HOXC13: variants seen among roughly 807,000 people sequenced by gnomAD.
The protein encoded by HOXC13 is homeobox protein Hox-C13.
HOXC13 carries 10 observed loss-of-function variants against 25.9 expected under a neutral mutation model. That is an observed-to-expected ratio of 0.39 (90% CI 0.24 to 0.65). The LOEUF (loss-of-function observed/expected upper bound fraction) is 0.65. HOXC13 is among the 30% of genes least tolerant of loss of function. The probability of loss-of-function intolerance (pLI) is 0.50; values close to 1 mark genes in which losing one functional copy is unlikely to be tolerated. For synonymous variants in HOXC13, 233 were observed against 217.1 expected (o/e 1.07, Z -0.64); for missense variants, 439 against 478.3 (o/e 0.92, Z 0.77).
chr12:53,943,510 G>A (rs1938644366), intron 1 of HOXC13, among the ~76,000 whole-genome samples: 1 of 152,106 alleles, frequency 6.6e-6, no homozygotes, highest in Non-Finnish European at 1.5e-5. Context: ...TCTCACAGAG[G>A]CAGAGAAAAA....
rs925525032 is a variant in HOXC13 at position 53,945,457 on chromosome 12, C to T, written c.*201C>T. The T allele has an allele frequency of 6.4e-5, 40 of 627,934 alleles. No individual in the cohort carries two copies. The highest frequency in any genetic ancestry group is 9.9e-5 in the Non-Finnish European group (36 of 364,058). The allele number at this position is 627,934 out of a possible 1,614,324, so 38.9% of individuals were successfully genotyped here. ...CTATCCCATCCCCAGCCTCCACCCC[C>T]ATCCAGATGGGACTCACGTGGCTTC... On this transcript the variant is annotated 3_prime_UTR_variant, in exon 2 of 2. Coordinates refer to ENST00000243056, the MANE Select transcript of HOXC13 (RefSeq NM_017410.3). The surrounding 1 kb of genome is among the most constrained non-coding windows in gnomAD (Gnocchi z 4.4).
Position 53,945,377 on chromosome 12 carries a change from G to T in HOXC13, c.*121G>T, listed in dbSNP as rs1016137081. On this transcript the variant is annotated 3_prime_UTR_variant, in exon 2 of 2. Coordinates refer to ENST00000243056, the MANE Select transcript of HOXC13 (RefSeq NM_017410.3). The surrounding 1 kb of genome is among the most constrained non-coding windows in gnomAD (Gnocchi z 4.4). ...AATGTTAAGGAAAGAGAAGAACCGC[G>T]CCGCCCGGAGGCAGAGAGGCTCCAT... 17 of 1,224,344 alleles carry T rather than the reference G, an allele frequency of 1.4e-5. No homozygotes were observed. Among genetic ancestry groups the T allele is most frequent in the Non-Finnish European group, 1.9e-5 (17 of 876,242 alleles). The allele number at this position is 1,224,344 out of a possible 1,614,324, so 75.8% of individuals were successfully genotyped here.
chr12:53,945,238 T>A lies in HOXC13; in HGVS notation c.975T>A (p.Pro325=). 1 of 1,614,016 alleles carries A rather than the reference T, an allele frequency of 6.2e-7. No homozygotes were observed. Among genetic ancestry groups the A allele is most frequent in the Non-Finnish European group, 8.5e-7 (1 of 1,179,970 alleles). Residue 325 remains proline, a synonymous_variant, in exon 2 of 2, where the codon CCT becomes CCA. Transcript: ENST00000243056. This position sits in a 1 kb window ranked among gnomAD's most constrained non-coding sequence, Gnocchi z 4.4. ...EKKVVSKSKA[P]HLHST The stretch of plus-strand genomic sequence containing the variant: ...AGGTGGTCAGCAAATCGAAAGCGCC[T>A]CATCTCCACTCCACCTGACCACCCA...
At position 53,938,873 on chromosome 12, in the gene HOXC13, G is replaced by A. The variant is rs774632752; in HGVS notation, c.-34G>A. On this transcript the variant is annotated 5_prime_UTR_variant, in exon 1 of 2. It adds an upstream start codon to the 5' untranslated region. Transcript: ENST00000243056. The stretch of plus-strand genomic sequence containing the variant: ...CTCCCTAGCTCGCTGCCTCTGGCAA[G>A]TGGAGTTTTTAAAAAGCTCCAGCAG... The A allele has an allele frequency of 1.1e-5, 16 of 1,522,158 alleles. No individual in the cohort carries two copies. In the South Asian group the frequency reaches 1.8e-4, roughly 17 times the overall value. The allele number at this position is 1,522,158 out of a possible 1,614,324, so 94.3% of individuals were successfully genotyped here.
chr12:53,943,912 C>A (rs1051564893), intron 1 of HOXC13, among the ~76,000 whole-genome samples: 1 of 152,184 alleles, frequency 6.6e-6, no homozygotes, highest in African/African-American at 2.4e-5. Flanking sequence ...TCCCTAGTTC[C>A]CCCACTTCCC....
Position 53,939,320 on chromosome 12 carries a change from G to A in HOXC13, c.414G>A (p.Val138=). 1 of 1,591,840 alleles carries A rather than the reference G, an allele frequency of 6.3e-7. No individual in the cohort carries two copies. The highest frequency in any genetic ancestry group is 8.5e-7 in the Non-Finnish European group (1 of 1,170,380). ...SYYGCRLSHN[V]NLQQKPCAYH... is the part of the protein sequence containing the mutation. ...ACGGCTGCCGCCTGTCGCACAACGT[G>A]AACCTGCAGCAGAAGCCTTGCGCCT... Residue 138 remains valine, a synonymous_variant, in exon 1 of 2, where the codon GTG becomes GTA. Transcript: ENST00000243056. The surrounding 1 kb of genome is among the most constrained non-coding windows in gnomAD (Gnocchi z 6.7).
chr12:53,942,952 TGA>T (rs765451706), intron 1 of HOXC13, among the ~76,000 whole-genome samples: 16 of 152,204 alleles, frequency 1.1e-4, no homozygotes, highest in Non-Finnish European at 2.2e-4. Context: ...TAGGTAATTG[TGA>T]GAGTTTAAAG....
chr12:53,945,242 C>G lies in HOXC13; in HGVS notation c.979C>G (p.Leu327Val). The change falls in exon 2 of 2, where the codon CTC (leucine) becomes GTC (valine). Residue 327 changes from leucine (L) to valine (V), a missense_variant. Coordinates refer to ENST00000243056, the MANE Select transcript of HOXC13 (RefSeq NM_017410.3). The surrounding 1 kb of genome is among the most constrained non-coding windows in gnomAD (Gnocchi z 4.4). ...KVVSKSKAPH[L>V]HST ...GGTCAGCAAATCGAAAGCGCCTCAT[C>G]TCCACTCCACCTGACCACCCACCCG... The G allele has an allele frequency of 6.2e-7, 1 of 1,614,094 alleles. No individual in the cohort carries two copies. The highest frequency in any genetic ancestry group is 8.5e-7 in the Non-Finnish European group (1 of 1,179,976).
At position 53,945,383 on chromosome 12, in the gene HOXC13, C is replaced by T. The variant is rs1230859718; in HGVS notation, c.*127C>T. 2.2e-5 allele frequency: 26 copies of T among 1,176,210 alleles called. No homozygotes were observed. Among genetic ancestry groups the T allele is most frequent in the South Asian group, 2.0e-4 (14 of 68,332 alleles). 72.9% of individuals were successfully genotyped at this position (1,176,210 alleles called of 1,614,324 possible). On this transcript the variant is annotated 3_prime_UTR_variant, in exon 2 of 2. Coordinates refer to ENST00000243056, the MANE Select transcript of HOXC13 (RefSeq NM_017410.3). The surrounding 1 kb of genome is among the most constrained non-coding windows in gnomAD (Gnocchi z 4.4). ...AAGGAAAGAGAAGAACCGCGCCGCC[C>T]GGAGGCAGAGAGGCTCCATGGCCGT...
chr12:53,940,060 G>A (rs1353129710), intron 1 of HOXC13, among the ~76,000 whole-genome samples: 1 of 152,236 alleles, frequency 6.6e-6, no homozygotes, highest in Non-Finnish European at 1.5e-5. Flanking sequence ...GGAGGGCGGA[G>A]AATAAGAACC....
Position 53,939,366 on chromosome 12 carries a change from C to G in HOXC13, c.460C>G (p.Pro154Ala). The change falls in exon 1 of 2, where the codon CCG becomes GCG. Residue 154 changes from proline (P) to alanine (A), a missense_variant. By Grantham distance (27) the Pro-to-Ala change is conservative (BLOSUM62 -1). Transcript: ENST00000243056. The surrounding 1 kb of genome is among the most constrained non-coding windows in gnomAD (Gnocchi z 6.7). ...CGCCTACCACCCGGGCGATAAATAC[C>G]CGGAGCCGTCGGGCGCCCTGCCCGG... ...PCAYHPGDKY[P>A]EPSGALPGDD... 1 of 1,606,446 alleles carries G rather than the reference C, an allele frequency of 6.2e-7. No individual in the cohort carries two copies. The highest frequency in any genetic ancestry group is 8.5e-7 in the Non-Finnish European group (1 of 1,177,770).
Position 53,939,028 on chromosome 12 carries a change from G to A in HOXC13, c.122G>A (p.Gly41Glu), listed in dbSNP as rs1938563306. Residue 41 changes from glycine to glutamate, a missense_variant, in exon 1 of 2, where the codon GGA (glycine) becomes GAA (glutamate). Coordinates refer to ENST00000243056, the MANE Select transcript of HOXC13 (RefSeq NM_017410.3). The surrounding 1 kb of genome is among the most constrained non-coding windows in gnomAD (Gnocchi z 6.7). ...GGGGGGGGTGGAGGGCSGASP... is the reference protein window; with the variant it reads ...GGGGGGGGTGEAGGGCSGASP... Reference sequence around the variant, plus strand: ...GGAGGAGGAGGCGGCGGCACGGGCGGAGCGGGGGGTGGCTGCAGCGGAGCG... The same window carrying A: ...GGAGGAGGAGGCGGCGGCACGGGCGAAGCGGGGGGTGGCTGCAGCGGAGCG... 1 of 1,475,692 alleles carries A rather than the reference G, an allele frequency of 6.8e-7. No homozygotes were observed. Among genetic ancestry groups the A allele is most frequent in the Non-Finnish European group, 8.9e-7 (1 of 1,120,812 alleles). The allele number at this position is 1,475,692 out of a possible 1,614,324, so 91.4% of individuals were successfully genotyped here. A position where few individuals can be genotyped will look rare whatever the true frequency, so the allele number is the denominator to read the frequency against.
rs1452753799 is a variant in HOXC13, at chr12:53,938,927, G to C, written c.21G>C (p.Leu7=). The part of the protein sequence containing the change: MTTSLL[L]HPRWPESLMY... Reference sequence around the variant, plus strand: ...ATGTCATGACGACTTCGCTGCTCCTGCATCCACGCTGGCCGGAGAGCCTTA... The same window carrying C: ...ATGTCATGACGACTTCGCTGCTCCTCCATCCACGCTGGCCGGAGAGCCTTA... Residue 7 remains leucine, a synonymous_variant, in exon 1 of 2, where the codon CTG becomes CTC. Coordinates refer to ENST00000243056, the MANE Select transcript of HOXC13 (RefSeq NM_017410.3). 7.1e-6 allele frequency: 11 copies of C among 1,559,540 alleles called. No individual in the cohort carries two copies. Among genetic ancestry groups the C allele is most frequent in the Non-Finnish European group, 9.5e-6 (11 of 1,160,276 alleles).
rs1938689083 is a variant in HOXC13 at position 53,946,082 on chromosome 12, T to C, written c.*826T>C. ...TCTAGGTGGTAAGGTTGGGGATTAG[T>C]CCAGGTACAGAAGCAGAACTTTTTT... On this transcript the variant is annotated 3_prime_UTR_variant, in exon 2 of 2. Coordinates refer to ENST00000243056, the MANE Select transcript of HOXC13 (RefSeq NM_017410.3). The C allele has an allele frequency of 4.3e-6, 1 of 230,778 alleles. No individual in the cohort carries two copies. The highest frequency in any genetic ancestry group is 2.2e-5 in the African/African-American group (1 of 45,232). 14.3% of individuals were successfully genotyped at this position (230,778 alleles called of 1,614,324 possible). A position where few individuals can be genotyped will look rare whatever the true frequency, so the allele number is the denominator to read the frequency against.
At position 53,939,079 on chromosome 12, in the gene HOXC13, A is replaced by T. The variant is rs1938564537; in HGVS notation, c.173A>T (p.Asp58Val). The change falls in exon 1 of 2, where the codon GAT becomes GTT. Residue 58 changes from aspartate to valine, a missense_variant. Coordinates refer to ENST00000243056, the MANE Select transcript of HOXC13 (RefSeq NM_017410.3). This position sits in a 1 kb window ranked among gnomAD's most constrained non-coding sequence, Gnocchi z 6.7. ...GASPGKAPSM[D>V]GLGSSCPASH... Reference sequence around the variant, plus strand: ...AGCCCCGGCAAAGCCCCGAGCATGGATGGTCTGGGCAGCAGCTGCCCGGCC... The same window carrying T: ...AGCCCCGGCAAAGCCCCGAGCATGGTTGGTCTGGGCAGCAGCTGCCCGGCC... 4 of 1,436,112 alleles carry T rather than the reference A, an allele frequency of 2.8e-6. No homozygotes were observed. Among genetic ancestry groups the T allele is most frequent in the Middle Eastern group, 2.4e-4 (1 of 4,148 alleles). The allele number at this position is 1,436,112 out of a possible 1,614,324, so 89.0% of individuals were successfully genotyped here.
At chr12:53,944,173 G>T (rs1592185371) in intron 1 of HOXC13, among the ~76,000 whole-genome samples, 1 of 152,108 alleles carries the variant, frequency 6.6e-6, no homozygotes, top group Non-Finnish European at 1.5e-5. Context: ...TTCTGTTTTG[G>T]TGGGACTGCA....
intron 1 of HOXC13, among the ~76,000 whole-genome samples, chr12:53,942,154 C>CTTTTTTTTTTTTTTTTT (rs56678098): frequency 2.5e-5 from 1 of 39,338 alleles, no homozygotes; most frequent in African/African-American, 1.2e-4. Context: ...TGAGTGTAGA[C>CTTTTTTTTTTTTTTTTT]TTTTTTTTTT....
Position 53,938,975 on chromosome 12 carries a change from G to A in HOXC13, c.69G>A (p.Ala23=). 1 of 1,519,684 alleles carries A rather than the reference G, an allele frequency of 6.6e-7. No individual in the cohort carries two copies. The highest frequency in any genetic ancestry group is 8.8e-7 in the Non-Finnish European group (1 of 1,139,958). The allele number at this position is 1,519,684 out of a possible 1,614,324, so 94.1% of individuals were successfully genotyped here. A position where few individuals can be genotyped will look rare whatever the true frequency, so the allele number is the denominator to read the frequency against. The change falls in exon 1 of 2, where the codon GCG becomes GCA. Residue 23 remains alanine (A), a synonymous_variant. Coordinates refer to ENST00000243056, the MANE Select transcript of HOXC13 (RefSeq NM_017410.3). ...TTATGTACGTCTATGAGGACAGCGC[G>A]GCGGAGAGCGGCATCGGCGGCGGCG... ...ESLMYVYEDS[A]AESGIGGGGG...
intron 1 of HOXC13, among the ~76,000 whole-genome samples, chr12:53,940,305 C>A (rs1205501334): frequency 6.6e-6 from 1 of 152,186 alleles, no homozygotes; most frequent in Admixed American, 6.5e-5. Context: ...TAAAGTTTTC[C>A]TTGCCTCTTT....
Sources: gnomAD v4.1 joint callset for allele counts (sites outside exome capture counted in the v4.1 genomes callset) on GRCh38, gnomAD v4.1.1 for gene constraint, Gnocchi (gnomAD v3.1) non-coding constraint, MANE v1.5 for transcripts, NCBI Gene and HGNC (gene_info 2026-07-23, HGNC 2026-07-21) for gene names.